The following MSRA variants were observed in gnomAD, a reference collection of about 807,000 sequenced individuals.
The protein encoded by MSRA is mitochondrial peptide methionine sulfoxide reductase.
A neutral mutation model predicts 31.3 loss-of-function variants in MSRA; 54 were observed. The observed-to-expected ratio is 1.73, with a 90% CI of 1.39 to 2.17. The LOEUF is 2.17. MSRA is among the 30% of genes most tolerant of loss of function. MSRA has a pLI of 0.00. For missense variants in MSRA, 507 were observed against 300.9 expected (o/e 1.69, Z -5.07); for synonymous variants, 169 against 116.5 (o/e 1.45, Z -2.90).
intron 1 of MSRA, among the ~76,000 whole-genome samples, chr8:10,145,117 A>T (rs887410434): frequency 3.3e-5 from 5 of 152,194 alleles, no homozygotes; most frequent in African/African-American, 9.6e-5. Context: ...TGCTATTAGC[A>T]TACTGAAATG....
At chr8:10,386,225 G>A (rs1394117515) in intron 5 of MSRA, among the ~76,000 whole-genome samples, 4 of 152,294 alleles carry the variant, frequency 2.6e-5, no homozygotes, top group African/African-American at 4.8e-5. Context: ...GAGGGGAAAC[G>A]ATTCTCCCAA....
chr8:10,234,443 C>A (rs1003419793), intron 2 of MSRA, among the ~76,000 whole-genome samples: 3 of 151,456 alleles, frequency 2.0e-5, no homozygotes, highest in African/African-American at 4.9e-5. Context: ...AGGGTAAACA[C>A]TAGAAGAACA....
chr8:10,349,344 C>G (rs1480447811), intron 5 of MSRA, among the ~76,000 whole-genome samples: 1 of 152,218 alleles, frequency 6.6e-6, no homozygotes, highest in Non-Finnish European at 1.5e-5. Flanking sequence ...CCGCCGTGCT[C>G]TTCCCCATTC....
intron 3 of MSRA, among the ~76,000 whole-genome samples, chr8:10,300,663 A>G (rs1460734303): frequency 1.3e-5 from 2 of 152,202 alleles, no homozygotes; most frequent in Admixed American, 6.5e-5. Flanking sequence ...CTAGGATTAC[A>G]GTGAACTGCC....
At position 10,218,501 on chromosome 8, in the gene MSRA, C is replaced by T. The variant is rs114397845; in HGVS notation, c.211+10600C>T. On this transcript the variant is annotated intron_variant, in intron 2 of 5. Transcript: ENST00000317173. ...CCCCTTACTGATCATTGCCTCAGTCCATTATTTTCTTAGAAACTGCAAGAT... is the reference window on the plus strand; with the variant it reads ...CCCCTTACTGATCATTGCCTCAGTCTATTATTTTCTTAGAAACTGCAAGAT... Among the ~76,000 whole-genome samples, 1,519 of 152,220 alleles carry T rather than the reference C, an allele frequency of 1.0e-2. 28 individuals carry two copies. The highest frequency in any genetic ancestry group is 0.035 in the African/African-American group (1,459 of 41,498).
intron 1 of MSRA, among the ~76,000 whole-genome samples, chr8:10,073,154 A>T (rs1797826357): frequency 6.6e-6 from 1 of 152,194 alleles, no homozygotes; most frequent in East Asian, 1.9e-4. Flanking sequence ...AGCCTTAAAA[A>T]AAAAGTATTG....
At chr8:10,344,963 C>A (rs925201979) in intron 5 of MSRA, among the ~76,000 whole-genome samples, 4 of 152,194 alleles carry the variant, frequency 2.6e-5, no homozygotes, top group African/African-American at 9.7e-5. Flanking sequence ...TTTGCCTGGA[C>A]TCATTCATGG....
chr8:10,239,804 C>G (rs1049904586), intron 2 of MSRA, among the ~76,000 whole-genome samples: 4 of 152,198 alleles, frequency 2.6e-5, no homozygotes, highest in Non-Finnish European at 5.9e-5. Context: ...CTGTTTCTCT[C>G]CTTTGCTTTC....
chr8:10,121,464 A>G (rs562339159), intron 1 of MSRA, among the ~76,000 whole-genome samples: 1 of 152,338 alleles, frequency 6.6e-6, no homozygotes, highest in East Asian at 1.9e-4. Flanking sequence ...ATAGTTGCTT[A>G]GAGCGATCCA....
At chr8:10,377,712 G>C (rs1805832316) in intron 5 of MSRA, among the ~76,000 whole-genome samples, 2 of 152,198 alleles carry the variant, frequency 1.3e-5, no homozygotes, top group Non-Finnish European at 1.5e-5. Flanking sequence ...CCCGATTTCA[G>C]GCTCAAAAAT....
chr8:10,343,585 A>G (rs767834144), intron 5 of MSRA, among the ~76,000 whole-genome samples: 4 of 152,130 alleles, frequency 2.6e-5, no homozygotes, highest in Non-Finnish European at 5.9e-5. Context: ...ACATCAGTTC[A>G]TGGGAGAGCT....
intron 1 of MSRA, among the ~76,000 whole-genome samples, chr8:10,068,561 A>C (rs904722464): frequency 6.6e-6 from 1 of 152,174 alleles, no homozygotes; most frequent in Non-Finnish European, 1.5e-5. Flanking sequence ...AGTTGAAATG[A>C]CTGTCTTTTC....
intron 1 of MSRA, among the ~76,000 whole-genome samples, chr8:10,106,018 C>A (rs1199589742): frequency 6.6e-6 from 1 of 152,168 alleles, no homozygotes; most frequent in Non-Finnish European, 1.5e-5. Context: ...AAATTGGAAT[C>A]GGAAAGGATA....
chr8:10,224,707 A>G (rs969858253), intron 2 of MSRA, among the ~76,000 whole-genome samples: 10 of 152,198 alleles, frequency 6.6e-5, no homozygotes, highest in African/African-American at 2.4e-4. Flanking sequence ...CCCATCAGAG[A>G]GAGACACTCC....
chr8:10,124,021 G>A (rs1204477769), intron 1 of MSRA, among the ~76,000 whole-genome samples: 1 of 151,964 alleles, frequency 6.6e-6, no homozygotes, highest in African/African-American at 2.4e-5. Context: ...GCTGAGGTTG[G>A]GGAATGGCCC....
chr8:10,152,216 C>T (rs1406957026), intron 1 of MSRA, among the ~76,000 whole-genome samples: 1 of 152,080 alleles, frequency 6.6e-6, no homozygotes, highest in Non-Finnish European at 1.5e-5. Flanking sequence ...TGTCTGTGTG[C>T]AAATATATGT....
intron 1 of MSRA, among the ~76,000 whole-genome samples, chr8:10,172,471 G>T (rs937808276): frequency 2.0e-5 from 3 of 152,166 alleles, no homozygotes; most frequent in African/African-American, 7.2e-5. Context: ...AGGCAAAGGG[G>T]ACGCAGGTTT....
intron 4 of MSRA, among the ~76,000 whole-genome samples, chr8:10,314,760 T>A (rs971489570): frequency 3.9e-5 from 6 of 152,176 alleles, no homozygotes; most frequent in Non-Finnish European, 7.4e-5. Context: ...TATAAATCCA[T>A]TGTGGTGCAT....
At chr8:10,196,195 G>A (rs943340005) in intron 1 of MSRA, among the ~76,000 whole-genome samples, 1 of 152,220 alleles carries the variant, frequency 6.6e-6, no homozygotes, top group Non-Finnish European at 1.5e-5. Flanking sequence ...ATGTTCACAA[G>A]GAAGAGAGAT....
Sources: gnomAD v4.1 joint callset for allele counts (sites outside exome capture counted in the v4.1 genomes callset) on GRCh38, gnomAD v4.1.1 for gene constraint, MANE v1.5 for transcripts, NCBI Gene and HGNC (gene_info 2026-07-23, HGNC 2026-07-21) for gene names.